TMEM132C: variants seen among roughly 807,000 people sequenced by gnomAD.
TMEM132C encodes the protein transmembrane protein 132C, also known as protein phosphatase 1, regulatory subunit 152.
TMEM132C carries 29 observed loss-of-function variants against 61.4 expected under a neutral mutation model. The ratio of observed to expected loss-of-function variants is 0.47; its 90% CI spans 0.35 to 0.64. The LOEUF is 0.64. TMEM132C is among the 30% of genes least tolerant of loss of function. The probability of loss-of-function intolerance (pLI) is 0.00; values close to 1 mark genes in which losing one functional copy is unlikely to be tolerated. For synonymous variants in TMEM132C, 656 were observed against 633.1 expected (o/e 1.04, Z -0.54); for missense variants, 1,408 against 1,476.9 (o/e 0.95, Z 0.76).
At chr12:128,472,371 A>T (rs1048696419) in intron 2 of TMEM132C, among the ~76,000 whole-genome samples, 1 of 152,208 alleles carries the variant, frequency 6.6e-6, no homozygotes, top group Non-Finnish European at 1.5e-5. Context: ...TCTGGGTCAG[A>T]GACCCTCTTC....
intron 1 of TMEM132C, among the ~76,000 whole-genome samples, chr12:128,406,398 A>C (rs1416844621): frequency 6.6e-6 from 1 of 152,196 alleles, no homozygotes; most frequent in Non-Finnish European, 1.5e-5. Context: ...CCTTTTTCCC[A>C]TGGAGCTTCC....
At chr12:128,481,595 G>A (rs1427265686) in intron 2 of TMEM132C, among the ~76,000 whole-genome samples, 1 of 152,254 alleles carries the variant, frequency 6.6e-6, no homozygotes, top group East Asian at 1.9e-4. Flanking sequence ...ATGGCTCCAA[G>A]CCGCACAGGG....
intron 2 of TMEM132C, among the ~76,000 whole-genome samples, chr12:128,477,782 A>G (rs1039997262): frequency 6.6e-6 from 1 of 152,168 alleles, no homozygotes; most frequent in South Asian, 2.1e-4. Flanking sequence ...GGGTTTCACC[A>G]TATTGGCCAG....
chr12:128,678,954 C>G (rs1954613965), intron 5 of TMEM132C, among the ~76,000 whole-genome samples: 1 of 152,228 alleles, frequency 6.6e-6, no homozygotes, highest in Admixed American at 6.5e-5. Flanking sequence ...TGGCCTCAGA[C>G]AGACTCCTGT....
At chr12:128,700,383 A>T (rs1954795471) in intron 8 of TMEM132C, among the ~76,000 whole-genome samples, 1 of 152,242 alleles carries the variant, frequency 6.6e-6, no homozygotes, top group Non-Finnish European at 1.5e-5. Flanking sequence ...GGTAGAAGTT[A>T]GTCTCAATCA....
intron 3 of TMEM132C, among the ~76,000 whole-genome samples, chr12:128,604,235 T>G (rs1220042741): frequency 6.6e-6 from 1 of 152,052 alleles, no homozygotes; most frequent in Non-Finnish European, 1.5e-5. Flanking sequence ...ATGAATAGAT[T>G]GGATGGATGG....
chr12:128,372,830 A>G (rs535224817), intron 1 of TMEM132C, among the ~76,000 whole-genome samples: 1 of 152,092 alleles, frequency 6.6e-6, no homozygotes, highest in Non-Finnish European at 1.5e-5. Context: ...AGAGGGAAAC[A>G]TGCTTACGTT....
At chr12:128,644,413 A>G (rs533648808) in intron 4 of TMEM132C, among the ~76,000 whole-genome samples, 3 of 152,364 alleles carry the variant, frequency 2.0e-5, no homozygotes, top group South Asian at 2.1e-4. Flanking sequence ...TGGCAATCAA[A>G]TAGAACAATA....
intron 1 of TMEM132C, chr12:128,288,972 C>G (rs1243948823): frequency 6.6e-6 from 1 of 152,298 alleles, no homozygotes; most frequent in Non-Finnish European, 1.5e-5. Context: ...GTCACACATT[C>G]ACACACGCAT....
intron 1 of TMEM132C, among the ~76,000 whole-genome samples, chr12:128,353,041 A>G (rs566722249): frequency 2.6e-4 from 40 of 152,288 alleles, no homozygotes; most frequent in African/African-American, 9.1e-4. Context: ...ATACTTGGCT[A>G]TTCTGTCCAT....
intron 4 of TMEM132C, among the ~76,000 whole-genome samples, chr12:128,661,960 T>C (rs958176980): frequency 1.3e-5 from 2 of 152,042 alleles, no homozygotes; most frequent in Admixed American, 1.3e-4. Flanking sequence ...AGTATAAGAA[T>C]CACAAACTGG....
intron 2 of TMEM132C, among the ~76,000 whole-genome samples, chr12:128,463,666 G>A (rs1870618942): frequency 6.6e-6 from 1 of 151,878 alleles, no homozygotes; most frequent in Admixed American, 6.6e-5. Flanking sequence ...GGGCCTGCCT[G>A]GCTAGAGCCT....
At chr12:128,424,895 C>A (rs1389970474) in intron 2 of TMEM132C, among the ~76,000 whole-genome samples, 1 of 152,178 alleles carries the variant, frequency 6.6e-6, no homozygotes, top group African/African-American at 2.4e-5. Context: ...TTCTTAGGAC[C>A]AGACCACTCT....
At chr12:128,469,401 G>A (rs900931122) in intron 2 of TMEM132C, among the ~76,000 whole-genome samples, 25 of 145,238 alleles carry the variant, frequency 1.7e-4, no homozygotes, top group African/African-American at 6.2e-4. Flanking sequence ...CTGCAGCCTC[G>A]ACCTCCTGGG....
intron 3 of TMEM132C, among the ~76,000 whole-genome samples, chr12:128,555,661 A>T (rs986611746): frequency 1.3e-5 from 2 of 151,482 alleles, no homozygotes; most frequent in Non-Finnish European, 2.9e-5. Flanking sequence ...GGTTTGTGGC[A>T]AACGTTGACT....
chr12:128,588,544 G>A (rs901863900), intron 3 of TMEM132C, among the ~76,000 whole-genome samples: 3 of 152,152 alleles, frequency 2.0e-5, no homozygotes, highest in Non-Finnish European at 2.9e-5. Flanking sequence ...GCCATGGGTT[G>A]CTTGAATCCA....
intron 3 of TMEM132C, among the ~76,000 whole-genome samples, chr12:128,578,539 G>T (rs563291437): frequency 1.3e-5 from 2 of 152,282 alleles, no homozygotes; most frequent in East Asian, 3.9e-4. Flanking sequence ...TTTCCAAGTA[G>T]ATCCTTTCCT....
chr12:128,524,933 G>A (rs1235531551), intron 2 of TMEM132C, among the ~76,000 whole-genome samples: 1 of 152,214 alleles, frequency 6.6e-6, no homozygotes, highest in Non-Finnish European at 1.5e-5. Flanking sequence ...CCTCTGAGGA[G>A]TGGGATAGAA....
At chr12:128,622,360 A>AATATATATATATAT (rs767066742) in intron 4 of TMEM132C, among the ~76,000 whole-genome samples, 8 of 30,094 alleles carry the variant, frequency 2.7e-4, no homozygotes, top group African/African-American at 6.6e-4. Flanking sequence ...AAAAAAAAAA[A>AATATATATATATAT]ATATATATAT....
Sources: allele counts gnomAD v4.1 joint callset (sites outside exome capture counted in the v4.1 genomes callset), GRCh38; gene constraint gnomAD v4.1.1; transcripts MANE v1.5; gene names NCBI Gene and HGNC (gene_info 2026-07-23, HGNC 2026-07-21).